Variants in RPUSD3 observed in about 807,000 individuals in gnomAD.
RPUSD3 encodes RNA pseudouridine synthase D3.
A neutral mutation model predicts 35.1 loss-of-function variants in RPUSD3; 36 were observed. The observed-to-expected ratio is 1.02, with a 90% CI of 0.79 to 1.35. The LOEUF is 1.35. Among genes scored for constraint, RPUSD3 ranks in the 40% most tolerant of loss-of-function variants. The probability of loss-of-function intolerance (pLI) is 0.00; values close to 1 mark genes in which losing one functional copy is unlikely to be tolerated. For missense variants in RPUSD3, 486 were observed against 441.9 expected, an observed-to-expected ratio of 1.10 and a Z score of -0.89; for synonymous variants, 202 against 187.8, an observed-to-expected ratio of 1.08 and a Z score of -0.62.
intron 2 of RPUSD3, chr3:9,843,055 C>A (rs955004959): frequency 1.7e-5 from 3 of 174,892 alleles, no homozygotes; most frequent in Non-Finnish European, 3.7e-5. Context: ...CCACACCTGG[C>A]TAATTTTTGT....
chr3:9,841,973 T>TAC lies in RPUSD3; in HGVS notation c.407+8_407+9dup. 1 of 1,612,774 alleles carries TAC rather than the reference T, an allele frequency of 6.2e-7. No homozygotes were observed. Among genetic ancestry groups the TAC allele is most frequent in the Non-Finnish European group, 8.5e-7 (1 of 1,178,868 alleles). On this transcript the variant is annotated intron_variant, in intron 4 of 8. Coordinates refer to ENST00000383820, the Ensembl canonical transcript of RPUSD3. ...TGTACTCCTAGCTTCCTGTCACCCCTACCACTTACTTCCCAGATGCTCGGA... is the reference window on the plus strand; with the variant it reads ...TGTACTCCTAGCTTCCTGTCACCCCTACACCACTTACTTCCCAGATGCTCGGA...
At chr3:9,843,641 C>T (rs753049785) in intron 1 of RPUSD3, 40 bp from the exon 2 acceptor site, 1 of 1,607,094 alleles carries the variant, frequency 6.2e-7, no homozygotes, top group African/African-American at 1.3e-5. Context: ...CATTCCATCC[C>T]GAGGTGCCAC....
chr3:9,839,280 C>G (rs1308089521), intron 7 of RPUSD3, 109 bp from the exon 8 acceptor site: 12 of 1,338,008 alleles, frequency 9.0e-6, no homozygotes, highest in Middle Eastern at 1.9e-4. Flanking sequence ...TTTCTCAGAT[C>G]ATATGTTTCA....
chr3:9,838,095 T>C (rs774713989), exon 9 of RPUSD3: 13 of 1,612,390 alleles, frequency 8.1e-6, no homozygotes, highest in Non-Finnish European at 1.1e-5. Flanking sequence ...AACAGGGGTG[T>C]CCCTGGCCCT....
exon 5 of RPUSD3, chr3:9,840,741 A>G (rs1246852770): frequency 2.5e-5 from 41 of 1,614,116 alleles, no homozygotes; most frequent in Non-Finnish European, 3.5e-5. Context: ...GCATGGGTGA[A>G]GTACTTCTGG....
At chr3:9,842,562 C>T (rs544694836) in intron 2 of RPUSD3, 2 of 455,082 alleles carry the variant, frequency 4.4e-6, no homozygotes, top group Admixed American at 3.5e-5. Flanking sequence ...CATCATAACA[C>T]CCTGTTTTAG....
chr3:9,843,921 G>A (rs951547005), exon 1 of RPUSD3: 1 of 1,605,258 alleles, frequency 6.2e-7, no homozygotes, highest in Non-Finnish European at 8.5e-7. Flanking sequence ...GCGTCCTCGG[G>A]CACTGGGCGG....
intron 2 of RPUSD3, chr3:9,842,466 C>T (rs2082118143): frequency 8.3e-6 from 5 of 600,606 alleles, no homozygotes; most frequent in Non-Finnish European, 1.5e-5. Flanking sequence ...CCAGGTCTGG[C>T]TCCCTATCAT....
chr3:9,838,401 G>T (rs1438344178), intron 8 of RPUSD3, among the ~76,000 whole-genome samples, 194 bp from the exon 9 acceptor site: 2 of 152,156 alleles, frequency 1.3e-5, no homozygotes, highest in Non-Finnish European at 2.9e-5. Context: ...CTGGCTAGGG[G>T]GTCACCCAAT....
chr3:9,841,917 A>G (rs1046062026), intron 4 of RPUSD3, 66 bp downstream of exon 4: 3 of 1,303,806 alleles, frequency 2.3e-6, no homozygotes, highest in Admixed American at 3.9e-5. Context: ...CTTATCCCCA[A>G]GCAGCTGTTT....
At chr3:9,840,301 G>A in exon 7 of RPUSD3, 1 of 1,614,090 alleles carries the variant, frequency 6.2e-7, no homozygotes, top group Non-Finnish European at 8.5e-7. Flanking sequence ...GCCTTCACTG[G>A]AACTGTCTGT....
At chr3:9,843,913 G>C (rs749261220) in exon 1 of RPUSD3, 2 of 1,605,670 alleles carry the variant, frequency 1.2e-6, no homozygotes, top group Non-Finnish European at 1.7e-6. Context: ...CAAAGCCTGC[G>C]TCCTCGGGCA....
chr3:9,840,558 G>C, exon 6 of RPUSD3: 1 of 1,614,118 alleles, frequency 6.2e-7, no homozygotes, highest in Non-Finnish European at 8.5e-7. Flanking sequence ...ATGTGTTCCA[G>C]TTTCAGGGCA....
At chr3:9,843,411 A>C (rs2082130896) in intron 2 of RPUSD3, 54 bp downstream of exon 2, 15 of 1,604,714 alleles carry the variant, frequency 9.3e-6, no homozygotes, top group Middle Eastern at 1.7e-4. Flanking sequence ...GCCCAACTGC[A>C]CGCCGAGGCA....
chr3:9,840,609 T>C, exon 6 of RPUSD3: 1 of 1,613,742 alleles, frequency 6.2e-7, no homozygotes, highest in South Asian at 1.1e-5. Flanking sequence ...ATCCCATCAG[T>C]GACAGCACTG....
chr3:9,840,150 C>T (rs2082081541), intron 7 of RPUSD3, 34 bp downstream of exon 7: 2 of 1,594,498 alleles, frequency 1.3e-6, no homozygotes, highest in Non-Finnish European at 1.7e-6. Context: ...AAATCAAGTG[C>T]AGTTTTAAAG....
Position 9,843,993 on chromosome 3 carries a change from C to A in RPUSD3, c.22G>T (p.Glu8Ter), listed in dbSNP as rs1478779027. The A allele has an allele frequency of 1.3e-6, 2 of 1,595,474 alleles. No homozygotes were observed. The highest frequency in any genetic ancestry group is 1.1e-5 in the South Asian group (1 of 88,900). The change falls in exon 1 of 9, where the codon GAG (glutamate) becomes TAG (stop). Residue 8 changes from glutamate to a stop codon, truncating the protein, a stop_gained. Coordinates refer to ENST00000383820, the Ensembl canonical transcript of RPUSD3. LOFTEE classifies it high-confidence loss of function. ...CCCAAAACACGGCGGCCGTCCATCT[C>A]CCGAGCCAGGACAGCGCGCATGTGC...
At chr3:9,840,071 AG>A (rs1371959953) in intron 7 of RPUSD3, 112 bp downstream of exon 7, 9 of 1,370,934 alleles carry the variant, frequency 6.6e-6, no homozygotes, top group Non-Finnish European at 8.9e-6. Flanking sequence ...TAGTTGAAAC[AG>A]GGTTTCACCA....
At chr3:9,840,147 G>C in intron 7 of RPUSD3, 37 bp downstream of exon 7, 4 of 1,594,860 alleles carry the variant, frequency 2.5e-6, no homozygotes, top group Non-Finnish European at 2.6e-6. Flanking sequence ...CCCAAATCAA[G>C]TGCAGTTTTA....
Sources: allele counts gnomAD v4.1 joint callset (sites outside exome capture counted in the v4.1 genomes callset), GRCh38; gene constraint gnomAD v4.1.1; transcripts MANE v1.5; gene names NCBI Gene and HGNC (gene_info 2026-07-23, HGNC 2026-07-21).